GALNT14: variants seen among roughly 807,000 people sequenced by gnomAD.
The protein encoded by GALNT14 is UDP-GalNAc:polypeptide N-acetylgalactosaminyltransferase 14.
Under a neutral mutation model 77.5 loss-of-function variants are expected in GALNT14, and 60 were observed. The observed-to-expected ratio is 0.77, with a 90% CI of 0.63 to 0.96. The LOEUF is 0.96. GALNT14 is among the 40% of genes least tolerant of loss of function. The pLI, the probability that GALNT14 is intolerant of heterozygous loss-of-function variation, is 0.00. For synonymous variants in GALNT14, 280 were observed against 281.7 expected (o/e 0.99, Z 0.06); for missense variants, 710 against 731.0 (o/e 0.97, Z 0.33).
At chr2:31,003,100 T>C (rs1481403440) in intron 1 of GALNT14, among the ~76,000 whole-genome samples, 1 of 152,248 alleles carries the variant, frequency 6.6e-6, no homozygotes, top group African/African-American at 2.4e-5. Flanking sequence ...ATATCCCACT[T>C]GGCTTTCTAT....
At chr2:30,987,719 TCCCCC>T (rs1669396399) in intron 2 of GALNT14, among the ~76,000 whole-genome samples, 15 of 38,692 alleles carry the variant, frequency 3.9e-4, no homozygotes, top group African/African-American at 1.3e-3. Flanking sequence ...CTCCCCCTCC[TCCCCC>T]TCCTCCCCCT....
intron 1 of GALNT14, chr2:31,114,919 C>G: frequency 1.5e-6 from 1 of 659,188 alleles, no homozygotes; most frequent in Non-Finnish European, 2.8e-6. Context: ...TTCAGTCATA[C>G]ACCATCTGCA....
At position 31,138,282 on chromosome 2, in the gene GALNT14, A is replaced by C; in HGVS notation, c.-196T>G. On this transcript the variant is annotated 5_prime_UTR_variant, in exon 1 of 15. Coordinates refer to ENST00000349752, the MANE Select transcript of GALNT14 (RefSeq NM_024572.4). ...AGAAGCGAGCCTGGGTGGGGGGTGC[A>C]GGGCGACCCGAAACGTGGCAGGGAA... 1 of 625,284 alleles carries C rather than the reference A, an allele frequency of 1.6e-6. No homozygotes were observed. The highest frequency in any genetic ancestry group is 2.1e-5 in the South Asian group (1 of 48,524). The allele number at this position is 625,284 out of a possible 1,614,324, so 38.7% of individuals were successfully genotyped here.
intron 2 of GALNT14, among the ~76,000 whole-genome samples, chr2:30,972,274 G>A (rs1385035325): frequency 2.0e-5 from 3 of 152,200 alleles, no homozygotes; most frequent in African/African-American, 7.2e-5. Flanking sequence ...CATCCCAGAC[G>A]GGAGTCTGAA....
the GALNT14 span, among the ~76,000 whole-genome samples, chr2:30,893,128 T>C: frequency 2.0e-5 from 3 of 152,184 alleles, no homozygotes. Context: ...GGAAGATACA[T>C]GGTTTTATGT....
intron 1 of GALNT14, among the ~76,000 whole-genome samples, chr2:31,008,664 A>G (rs1179078984): frequency 6.6e-6 from 1 of 152,236 alleles, no homozygotes; most frequent in African/African-American, 2.4e-5. Flanking sequence ...GGCAGCCAGC[A>G]TGAGTGGTGG....
chr2:31,135,836 AC>A (rs1253666568), intron 1 of GALNT14, among the ~76,000 whole-genome samples: 1 of 152,086 alleles, frequency 6.6e-6, no homozygotes, highest in African/African-American at 2.4e-5. Context: ...CAGCCCCCAA[AC>A]CCAGCACAGA....
intron 1 of GALNT14, among the ~76,000 whole-genome samples, chr2:31,002,228 G>A (rs147951524): frequency 0.032 from 4,933 of 152,170 alleles, 239 homozygotes; most frequent in African/African-American, 0.11. Context: ...TCGGGAGTTT[G>A]AGACCAGCCT....
At chr2:31,029,324 G>A (rs1332604831) in intron 1 of GALNT14, among the ~76,000 whole-genome samples, 1 of 152,138 alleles carries the variant, frequency 6.6e-6, no homozygotes, top group Non-Finnish European at 1.5e-5. Context: ...TACATTCACT[G>A]TCACAGAGGC....
At chr2:31,084,793 G>A (rs1457633489) in intron 1 of GALNT14, among the ~76,000 whole-genome samples, 2 of 152,196 alleles carry the variant, frequency 1.3e-5, no homozygotes, top group Non-Finnish European at 2.9e-5. Context: ...GGGAGGCCAA[G>A]GCAGGTGGAT....
Sources: allele counts gnomAD v4.1 joint callset (sites outside exome capture counted in the v4.1 genomes callset), GRCh38; gene constraint gnomAD v4.1.1; transcripts MANE v1.5; gene names NCBI Gene and HGNC (gene_info 2026-07-23, HGNC 2026-07-21).